The following ARHGAP17 variants were observed in gnomAD, a reference collection of about 807,000 sequenced individuals.
The protein encoded by ARHGAP17 is Rho GTPase activating protein 17.
In ARHGAP17, 57 loss-of-function variants were observed where a neutral mutation model predicts 99.5. That is an observed-to-expected ratio of 0.57 (90% CI 0.46 to 0.71). The LOEUF is 0.71. Among genes scored for constraint, ARHGAP17 ranks in the 30% least tolerant of loss-of-function variants. ARHGAP17 has a pLI of 0.00. For synonymous variants in ARHGAP17, 417 were observed against 429.6 expected, an observed-to-expected ratio of 0.97 and a Z score of 0.36; for missense variants, 1,000 against 1,122.4, an observed-to-expected ratio of 0.89 and a Z score of 1.56.
rs1458573545 is a variant in ARHGAP17 at position 24,968,302 on chromosome 16, C to G, written c.461+49G>C. The G allele has an allele frequency of 9.4e-6, 15 of 1,592,136 alleles. No individual in the cohort carries two copies. The Admixed American group carries it at 2.5e-4, about 27-fold the overall frequency. On this transcript the variant is annotated intron_variant, in intron 6 of 19. Transcript: ENST00000289968. ...TGTCCACTGTCAGTGGTCTTCTCCC[C>G]CGTGGTGGGAATGGGACACAATGCT...
At chr16:24,944,914 CA>C (rs1567220715) in intron 14 of ARHGAP17, among the ~76,000 whole-genome samples, 1 of 151,852 alleles carries the variant, frequency 6.6e-6, no homozygotes, top group African/African-American at 2.4e-5. Flanking sequence ...CCGCGCCTGG[CA>C]AATGTGCCTT....
chr16:24,932,587 A>G (rs1408810302), intron 18 of ARHGAP17, among the ~76,000 whole-genome samples: 1 of 152,150 alleles, frequency 6.6e-6, no homozygotes. Context: ...TCTTAATAAC[A>G]GAATTTCTAC....
intron 1 of ARHGAP17, among the ~76,000 whole-genome samples, chr16:25,000,859 GC>G (rs530758110): frequency 6.6e-6 from 1 of 152,208 alleles, no homozygotes; most frequent in Non-Finnish European, 1.5e-5. Context: ...AAGATCACCT[GC>G]CAACCTCATG....
intron 3 of ARHGAP17, among the ~76,000 whole-genome samples, chr16:24,971,431 G>A (rs1247170996): frequency 1.3e-5 from 2 of 151,368 alleles, no homozygotes; most frequent in Non-Finnish European, 2.9e-5. Context: ...CCAGGTTCAA[G>A]TGATTCTCGT....
intron 1 of ARHGAP17, among the ~76,000 whole-genome samples, chr16:24,989,211 G>A (rs1457494748): frequency 6.6e-6 from 1 of 152,168 alleles, no homozygotes; most frequent in Non-Finnish European, 1.5e-5. Context: ...GGCTGCTGGG[G>A]AGGTGCACAG....
At chr16:24,999,217 G>T (rs1286294882) in intron 1 of ARHGAP17, among the ~76,000 whole-genome samples, 1 of 152,164 alleles carries the variant, frequency 6.6e-6, no homozygotes, top group South Asian at 2.1e-4. Context: ...AGAAGTTTCT[G>T]TCTGTGATAT....
At chr16:24,965,431 G>A (rs759577849) in intron 6 of ARHGAP17, among the ~76,000 whole-genome samples, 12 of 152,112 alleles carry the variant, frequency 7.9e-5, no homozygotes, top group Non-Finnish European at 1.6e-4. Context: ...GACCAAGATC[G>A]CAACGCCGCA....
chr16:24,935,447 C>G (rs758119722), intron 18 of ARHGAP17, 23 bp downstream of exon 18: 2 of 1,563,920 alleles, frequency 1.3e-6, no homozygotes, highest in Non-Finnish European at 1.7e-6. Context: ...TCCCTGAGGG[C>G]AAGGAGGACG....
At chr16:24,984,104 G>A (rs1414326786) in intron 1 of ARHGAP17, among the ~76,000 whole-genome samples, 2 of 152,166 alleles carry the variant, frequency 1.3e-5, no homozygotes, top group African/African-American at 2.4e-5. Context: ...GAGAGTCAAA[G>A]GAAAATTTCC....
rs775962191 is a variant in ARHGAP17 at position 24,939,428 on chromosome 16, C to T, written c.1660G>A (p.Gly554Arg). The change falls in exon 17 of 20, where the codon GGG (glycine) becomes AGG (arginine). Residue 554 changes from glycine (G) to arginine (R), a missense_variant. By Grantham distance (125) the Gly-to-Arg change is moderately radical (BLOSUM62 -2). Coordinates refer to ENST00000289968, the MANE Select transcript of ARHGAP17 (RefSeq NM_001006634.3). Reference sequence around the variant, plus strand: ...GCGGAAGAGGGGACAGTCCCACCCCCAGAGCTGCTTTCAGCCCTAGAGCTC... The same window carrying T: ...GCGGAAGAGGGGACAGTCCCACCCCTAGAGCTGCTTTCAGCCCTAGAGCTC... ...PQSSRAESSS[G>R]GGTVPSSAGI... 1 of 1,612,024 alleles carries T rather than the reference C, an allele frequency of 6.2e-7. No homozygotes were observed. The highest frequency in any genetic ancestry group is 8.5e-7 in the Non-Finnish European group (1 of 1,179,846).
At chr16:24,944,582 A>G (rs1265452772) in intron 14 of ARHGAP17, among the ~76,000 whole-genome samples, 1 of 152,176 alleles carries the variant, frequency 6.6e-6, no homozygotes, top group Non-Finnish European at 1.5e-5. Context: ...CACCAAGAAC[A>G]TGCATTGTTA....
intron 19 of ARHGAP17, chr16:24,927,796 T>C (rs2050880423): frequency 6.2e-6 from 4 of 647,936 alleles, no homozygotes; most frequent in Admixed American, 3.5e-5. Context: ...ACTTCAAAAA[T>C]AGCAAGATGT....
At chr16:24,962,422 G>T (rs2052038641) in intron 7 of ARHGAP17, among the ~76,000 whole-genome samples, 1 of 152,214 alleles carries the variant, frequency 6.6e-6, no homozygotes, top group Non-Finnish European at 1.5e-5. Flanking sequence ...AAGTATGTCT[G>T]TTTTGGAATG....
At chr16:25,002,178 C>G (rs7193600) in intron 1 of ARHGAP17, among the ~76,000 whole-genome samples, 39,513 of 151,820 alleles carry the variant, frequency 0.26, 6,014 homozygotes, top group East Asian at 0.51. Flanking sequence ...AAGAAAATAT[C>G]ACAATTATAT....
intron 3 of ARHGAP17, among the ~76,000 whole-genome samples, chr16:24,973,870 C>T (rs1286149204): frequency 6.6e-6 from 1 of 152,164 alleles, no homozygotes; most frequent in East Asian, 1.9e-4. Flanking sequence ...TCAAGGAAGA[C>T]AACAGGAACT....
At chr16:24,952,032 A>G (rs2051659091) in intron 12 of ARHGAP17, among the ~76,000 whole-genome samples, 1 of 152,186 alleles carries the variant, frequency 6.6e-6, no homozygotes, top group Non-Finnish European at 1.5e-5. Context: ...CAAATCCATT[A>G]ATGTGGGTAC....
At chr16:24,967,598 G>A (rs1011448836) in intron 6 of ARHGAP17, among the ~76,000 whole-genome samples, 13 of 152,004 alleles carry the variant, frequency 8.6e-5, no homozygotes, top group African/African-American at 2.9e-4. Flanking sequence ...GATCACTTGA[G>A]GCCAGAAGTT....
chr16:24,921,908 G>A (rs1396500442), intron 19 of ARHGAP17, among the ~76,000 whole-genome samples: 2 of 152,216 alleles, frequency 1.3e-5, no homozygotes, highest in East Asian at 1.9e-4. Flanking sequence ...TTTGTCCTAA[G>A]CAGAACAGAA....
At position 24,930,805 on chromosome 16, in the gene ARHGAP17, T is replaced by C; in HGVS notation, c.2494A>G (p.Thr832Ala). 1 of 1,614,042 alleles carries C rather than the reference T, an allele frequency of 6.2e-7. No individual in the cohort carries two copies. The highest frequency in any genetic ancestry group is 8.5e-7 in the Non-Finnish European group (1 of 1,179,984). ...GDSSLTNTAP[T>A]ASKIVTDSNS... is the part of the protein sequence containing the mutation. Reference sequence around the variant, plus strand: ...TTACCTGTTACTATCTTGGAAGCTGTTGGTGCTGTGTTGGTGAGGCTGCTG... The same window carrying C: ...TTACCTGTTACTATCTTGGAAGCTGCTGGTGCTGTGTTGGTGAGGCTGCTG... The change falls in exon 19 of 20, where the codon ACA (threonine) becomes GCA (alanine). Residue 832 changes from threonine (T) to alanine (A), a missense_variant. Physicochemically the swap from Thr to Ala is moderately conservative, Grantham distance 58. Coordinates refer to ENST00000289968, the MANE Select transcript of ARHGAP17 (RefSeq NM_001006634.3).
Sources: gnomAD v4.1 joint callset for allele counts (sites outside exome capture counted in the v4.1 genomes callset) on GRCh38, gnomAD v4.1.1 for gene constraint, MANE v1.5 for transcripts, NCBI Gene and HGNC (gene_info 2026-07-23, HGNC 2026-07-21) for gene names.